MALAT1: variants seen among roughly 807,000 people sequenced by gnomAD.
MALAT1 encodes the protein hepcarcin.
chr11:65,498,086 C>G (rs748985419), intron 1 of MALAT1: 5 of 518,920 alleles, frequency 9.6e-6, no homozygotes, highest in South Asian at 7.0e-5. Flanking sequence ...TCATACCTAA[C>G]CAGGCATAAC....
exon 3 of MALAT1, chr11:65,501,556 T>C (rs749461988): frequency 1.9e-6 from 1 of 518,460 alleles, no homozygotes; most frequent in Non-Finnish European, 3.9e-6. Flanking sequence ...AGAGAGAGGG[T>C]GGGGGAGAAA....
rs374960669 is a variant in MALAT1, at chr11:65,500,836, A to C, written n.2099A>C. 217 of 518,832 alleles carry C rather than the reference A, an allele frequency of 4.2e-4. 1 individual carries two copies. The highest frequency in any genetic ancestry group is 2.9e-3 in the South Asian group (210 of 71,586). The allele number at this position is 518,832 out of a possible 1,614,324, so 32.1% of individuals were successfully genotyped here. A position where few individuals can be genotyped will look rare whatever the true frequency, so the allele number is the denominator to read the frequency against. Reference sequence around the variant, plus strand: ...TATGGTAACCTTTTATTTATTTTCTAATATAATGGGGGAGTTTCGTACTGA... The same window carrying C: ...TATGGTAACCTTTTATTTATTTTCTCATATAATGGGGGAGTTTCGTACTGA... On this transcript the variant is annotated non_coding_transcript_exon_variant, in exon 3 of 4. Coordinates refer to ENST00000619449, the Ensembl canonical transcript of MALAT1.
intron 1 of MALAT1, chr11:65,498,582 G>C: frequency 1.9e-6 from 1 of 518,740 alleles, no homozygotes. Flanking sequence ...GAGAAAGTCC[G>C]CCATTTTGCC....
intron 3 of MALAT1, chr11:65,505,873 A>T (rs1430831176): frequency 4.5e-6 from 2 of 449,394 alleles, no homozygotes; most frequent in Admixed American, 2.5e-5. Context: ...TAACTTGTAG[A>T]CTGGAGAAGA....
At chr11:65,499,183 A>T (rs765894623) in exon 3 of MALAT1, 3 of 507,074 alleles carry the variant, frequency 5.9e-6, no homozygotes, top group African/African-American at 2.0e-5. Context: ...GGTTACTAAG[A>T]TATTGCTTAG....
chr11:65,501,420 C>T (rs759128356), exon 3 of MALAT1: 1 of 517,148 alleles, frequency 1.9e-6, no homozygotes, highest in South Asian at 1.4e-5. Context: ...GAAGAGATGT[C>T]CATTGGAGAA....
chr11:65,502,282 T>C (rs753049940), exon 3 of MALAT1: 2 of 517,788 alleles, frequency 3.9e-6, no homozygotes, highest in South Asian at 2.8e-5. Flanking sequence ...TTTTGGAATT[T>C]TTTTCAGGTG....
chr11:65,498,531 G>A (rs776353572), intron 1 of MALAT1: 23 of 518,046 alleles, frequency 4.4e-5, no homozygotes, highest in Admixed American at 7.8e-5. Flanking sequence ...AAAACGTGTG[G>A]CTGTCTTGGG....
At chr11:65,498,249 C>T (rs746346752) in intron 1 of MALAT1, 2 of 518,792 alleles carry the variant, frequency 3.9e-6, no homozygotes. Context: ...CACTTGAACT[C>T]GCTTTCCATG....
At chr11:65,499,277 AGAT>A (rs2134976640) in exon 3 of MALAT1, 1 of 513,652 alleles carries the variant, frequency 1.9e-6, no homozygotes, top group Non-Finnish European at 3.9e-6. Context: ...AGGAAGGAAA[AGAT>A]AAAAGGTTTC....
intron 3 of MALAT1, chr11:65,504,326 A>G (rs771089851): frequency 5.8e-5 from 29 of 503,960 alleles, no homozygotes; most frequent in Non-Finnish European, 3.9e-6. Flanking sequence ...TTTTTTACAG[A>G]CTTCACAGAG....
intron 1 of MALAT1, chr11:65,498,320 TCCGTGCGGG>T (rs1048990326): frequency 3.9e-6 from 2 of 517,882 alleles, no homozygotes; most frequent in Non-Finnish European, 7.7e-6. Context: ...TAGAAAAATT[TCCGTGCGGG>T]CCGTGGGGGG....
intron 3 of MALAT1, chr11:65,504,173 T>A: frequency 1.9e-6 from 1 of 516,784 alleles, no homozygotes; most frequent in Non-Finnish European, 3.9e-6. Context: ...GATTTTGAAT[T>A]GCATATGAGT....
At chr11:65,502,963 ACTG>A (rs1294183556) in exon 3 of MALAT1, 1 of 494,810 alleles carries the variant, frequency 2.0e-6, no homozygotes, top group Admixed American at 2.1e-5. Context: ...ATCTCAAAAT[ACTG>A]CTTTTACAAA....
chr11:65,499,381 A>G (rs1565674724), exon 3 of MALAT1: 2 of 490,226 alleles, frequency 4.1e-6, no homozygotes, highest in Admixed American at 2.1e-5. Context: ...AGAGCCCCGA[A>G]TTAATACCAA....
chr11:65,504,546 C>T (rs750543959), intron 3 of MALAT1: 1 of 518,778 alleles, frequency 1.9e-6, no homozygotes, highest in East Asian at 5.4e-5. Flanking sequence ...CAGTTTTAAG[C>T]AGTCGTATTT....
At chr11:65,503,406 T>C (rs769484169) in exon 3 of MALAT1, 1 of 516,130 alleles carries the variant, frequency 1.9e-6, no homozygotes, top group Non-Finnish European at 3.9e-6. Context: ...CTCAGAGGCA[T>C]TTGCATCTTT....
exon 3 of MALAT1, chr11:65,499,733 CAT>C (rs1854496331): frequency 2.3e-6 from 1 of 433,232 alleles, no homozygotes; most frequent in Non-Finnish European, 4.5e-6. Flanking sequence ...AAGATAAAAA[CAT>C]ACTTTTAGAA....
At chr11:65,498,673 C>T (rs368107648) in intron 1 of MALAT1, 23 of 517,954 alleles carry the variant, frequency 4.4e-5, no homozygotes, top group African/African-American at 2.9e-4. Context: ...TTTAATCTTC[C>T]TTCAAAAGGT....
Sources: gnomAD v4.1 joint callset for allele counts on GRCh38, gnomAD v4.1.1 for gene constraint, MANE v1.5 for transcripts, NCBI Gene and HGNC (gene_info 2026-07-23, HGNC 2026-07-21) for gene names.